BOD1L1: variants seen among roughly 807,000 people sequenced by gnomAD.
BOD1L1 encodes biorientation of chromosomes in cell division 1 like 1.
In BOD1L1, 86 loss-of-function variants were observed where a neutral mutation model predicts 240.7. The ratio of observed to expected loss-of-function variants is 0.36; its 90% CI spans 0.30 to 0.43. BOD1L1 has a LOEUF of 0.43. Among genes scored for constraint, BOD1L1 ranks in the 20% least tolerant of loss-of-function variants. The pLI is 1.00. For synonymous variants in BOD1L1, 1,268 were observed against 1,272.3 expected (o/e 1.00, Z 0.07); for missense variants, 3,554 against 3,643.5 (o/e 0.98, Z 0.63).
In BOD1L1 at chr4:13,581,143, G is replaced by A. The variant is rs761727087; in HGVS notation, c.8657C>T (p.Thr2886Met). ...GRPRKYPVETTLKMKDDSKTD... is the reference protein window; with the variant it reads ...GRPRKYPVETMLKMKDDSKTD... ...CACCAAGTACCTACTCATTTTTAAC[G>A]TTGTTTCTACAGGGTATTTGCGAGG... The change falls in exon 20 of 26, where the codon ACG becomes ATG. Residue 2886 changes from threonine (T) to methionine (M), a missense_variant. By Grantham distance (81) the Thr-to-Met change is moderately conservative. Coordinates refer to ENST00000040738, the MANE Select transcript of BOD1L1 (RefSeq NM_148894.3). 1.1e-5 allele frequency: 18 copies of A among 1,576,274 alleles called. No homozygotes were observed. The highest frequency in any genetic ancestry group is 1.7e-4 in the Middle Eastern group (1 of 5,904).
At chr4:13,577,073 T>C in intron 24 of BOD1L1, 82 bp from the exon 25 acceptor site, 1 of 1,481,344 alleles carries the variant, frequency 6.8e-7, no homozygotes, top group South Asian at 1.3e-5. Flanking sequence ...GTTTAGAACT[T>C]AGGATATTAG....
chr4:13,615,772 A>T (rs1577376155), intron 2 of BOD1L1, among the ~76,000 whole-genome samples: 2 of 152,250 alleles, frequency 1.3e-5, no homozygotes, highest in East Asian at 3.9e-4. Flanking sequence ...CACCCTTAGA[A>T]CTAGACACAG....
At chr4:13,570,227 G>T in intron 25 of BOD1L1, 99 bp from the exon 26 acceptor site, 1 of 816,124 alleles carries the variant, frequency 1.2e-6, no homozygotes, top group Non-Finnish European at 1.8e-6. Context: ...GAACTTGACA[G>T]CTAAGAAGAG....
At chr4:13,626,848 A>C (rs539565859) in intron 1 of BOD1L1, among the ~76,000 whole-genome samples, 17 of 152,156 alleles carry the variant, frequency 1.1e-4, no homozygotes, top group Non-Finnish European at 1.2e-4. Flanking sequence ...AAACAATACT[A>C]AAGTCCTGTC....
intron 8 of BOD1L1, among the ~76,000 whole-genome samples, chr4:13,607,881 T>C (rs1030175198): frequency 1.3e-5 from 2 of 152,166 alleles, no homozygotes; most frequent in African/African-American, 4.8e-5. Context: ...TAGTAAGAAA[T>C]TTGAGAGCTT....
At position 13,614,444 on chromosome 4, in the gene BOD1L1, T is replaced by C; in HGVS notation, c.926A>G (p.Gln309Arg). ...TTTATTTTTTTGCTCACTGCTTTCC[T>C]GTTGAACATCCTTATTTAGCAGAAT... ...NLILLNKDVQ[Q>R]ESSEQKNKST... Residue 309 changes from glutamine (Q) to arginine (R), a missense_variant, in exon 4 of 26, where the codon CAG becomes CGG. This residue lies in a region of BOD1L1 where 3,393 missense variants were observed against 3,427.1 expected (regional missense o/e 0.99). Coordinates refer to ENST00000040738, the MANE Select transcript of BOD1L1 (RefSeq NM_148894.3). The C allele has an allele frequency of 6.2e-7, 1 of 1,610,998 alleles. No individual in the cohort carries two copies. The highest frequency in any genetic ancestry group is 8.5e-7 in the Non-Finnish European group (1 of 1,178,394).
intron 25 of BOD1L1, among the ~76,000 whole-genome samples, chr4:13,573,236 A>G (rs191339658): frequency 1.3e-5 from 2 of 152,320 alleles, no homozygotes; most frequent in Admixed American, 1.3e-4. Flanking sequence ...CACAAGAATC[A>G]GATAAGGAAT....
Position 13,607,170 on chromosome 4 carries a change from T to C in BOD1L1, c.1762A>G (p.Lys588Glu). 1.3e-6 allele frequency: 2 copies of C among 1,574,822 alleles called. No individual in the cohort carries two copies. Among genetic ancestry groups the C allele is most frequent in the South Asian group, 1.2e-5 (1 of 85,918 alleles). Reference sequence around the variant, plus strand: ...TCTTCTTCATATTGCTGTTTCTTTTTGGAGTTCTCTTCAACATTCCTAAGG... The same window carrying C: ...TCTTCTTCATATTGCTGTTTCTTTTCGGAGTTCTCTTCAACATTCCTAAGG... ...KDSRNVEENS[K>E]KKQQYEEDSK... The change falls in exon 9 of 26, where the codon AAA becomes GAA. Residue 588 changes from lysine (K) to glutamate (E), a missense_variant. By Grantham distance (56) the Lys-to-Glu change is moderately conservative. Transcript: ENST00000040738.
chr4:13,579,323 C>G (rs1713031898), intron 22 of BOD1L1, among the ~76,000 whole-genome samples: 1 of 152,150 alleles, frequency 6.6e-6, no homozygotes, highest in African/African-American at 2.4e-5. Flanking sequence ...TCTCCTTCCT[C>G]TTTCAAAAAA....
chr4:13,610,661 T>C (rs1716085660), intron 6 of BOD1L1, among the ~76,000 whole-genome samples: 1 of 152,252 alleles, frequency 6.6e-6, no homozygotes, highest in South Asian at 2.1e-4. Context: ...TCACTATGTA[T>C]ATGCGAATAT....
At position 13,604,465 on chromosome 4, in the gene BOD1L1, T is replaced by C. The variant is rs1311926663; in HGVS notation, c.2435A>G (p.Tyr812Cys). The change falls in exon 10 of 26, where the codon TAT becomes TGT. Residue 812 changes from tyrosine to cysteine, a missense_variant. By Grantham distance (194) the Tyr-to-Cys change is radical (BLOSUM62 -2). Around this residue, in one of 2 missense-constraint regions of BOD1L1, gnomAD observed 3,393 missense variants for 3,427.1 expected, o/e 0.99. Transcript: ENST00000040738. ...AACATTCTCATCTGTTTTTATAATATATTCAGAAACTGGCTTTCCATCTTT... is the reference window on the plus strand; with the variant it reads ...AACATTCTCATCTGTTTTTATAATACATTCAGAAACTGGCTTTCCATCTTT... ...LGKDGKPVSE[Y>C]IIKTDENVRK... 42 of 1,545,212 alleles carry C rather than the reference T, an allele frequency of 2.7e-5. No individual in the cohort carries two copies. The highest frequency in any genetic ancestry group is 3.3e-5 in the Non-Finnish European group (38 of 1,156,236).
intron 25 of BOD1L1, among the ~76,000 whole-genome samples, chr4:13,573,442 G>GTCTGTCTGTCTGTCTATCTATCTA (rs1384944208): frequency 8.3e-6 from 1 of 120,752 alleles, no homozygotes; most frequent in Admixed American, 9.1e-5. Flanking sequence ...CTGTCTGTCT[G>GTCTGTCTGTCTGTCTATCTATCTA]TCTATCTATC....
Position 13,602,215 on chromosome 4 carries a change from C to G in BOD1L1, c.4685G>C (p.Gly1562Ala). The G allele has an allele frequency of 1.9e-6, 3 of 1,613,702 alleles. No individual in the cohort carries two copies. The highest frequency in any genetic ancestry group is 2.5e-6 in the Non-Finnish European group (3 of 1,179,736). The change falls in exon 10 of 26, where the codon GGC becomes GCC. Residue 1562 changes from glycine (G) to alanine (A), a missense_variant. Transcript: ENST00000040738. Reference protein sequence around the residue: ...LPCTSIEADEGLIIGTHSRNN... With the variant: ...LPCTSIEADEALIIGTHSRNN... ...TCTGGAATGTGTTCCTATTATGAGG[C>G]CTTCATCTGCCTCAATGCTGGTGCA... is the stretch of plus-strand genomic sequence containing the variant.
chr4:13,590,593 C>G lies in BOD1L1; in HGVS notation c.8149-147G>C, dbSNP rs114209287. The G allele has an allele frequency of 4.7e-3, 1,995 of 420,442 alleles. 10 individuals carry two copies. The highest frequency in any genetic ancestry group is 7.2e-3 in the Admixed American group (160 of 22,226). 26.0% of individuals were successfully genotyped at this position (420,442 alleles called of 1,614,324 possible). Reference sequence around the variant, plus strand: ...GGTACATATTCTTTTTAATTTCACCCAGAAGCTCAAAAGCATGCAGCATCT... The same window carrying G: ...GGTACATATTCTTTTTAATTTCACCGAGAAGCTCAAAAGCATGCAGCATCT... On this transcript the variant is annotated intron_variant, in intron 13 of 25. Coordinates refer to ENST00000040738, the MANE Select transcript of BOD1L1 (RefSeq NM_148894.3).
At chr4:13,598,491 C>T (rs893436933) in intron 10 of BOD1L1, among the ~76,000 whole-genome samples, 2 of 152,030 alleles carry the variant, frequency 1.3e-5, no homozygotes, top group African/African-American at 2.4e-5. Flanking sequence ...AAAAGTCACC[C>T]GAGGACCATG....
intron 12 of BOD1L1, 110 bp from the exon 13 acceptor site, chr4:13,592,076 G>T (rs145907188): frequency 5.8e-6 from 4 of 687,986 alleles, no homozygotes; most frequent in Admixed American, 3.5e-5. Flanking sequence ...GTCACCAAGT[G>T]GCTTAGCTGC....
In BOD1L1 at chr4:13,601,352, C is replaced by T; in HGVS notation, c.5548G>A (p.Asp1850Asn). The stretch of plus-strand genomic sequence containing the variant: ...GTGCTAGTCACAATGCCTTCATCAT[C>T]ACAAGGACCAGCAGCAACTAATGGT... ...NVPLVAAGPC[D>N]DEGIVTSTGA... is the part of the protein sequence containing the mutation. The change falls in exon 10 of 26, where the codon GAT becomes AAT. Residue 1850 changes from aspartate to asparagine, a missense_variant. By Grantham distance (23) the Asp-to-Asn change is conservative. Around this residue, in one of 2 missense-constraint regions of BOD1L1, gnomAD observed 3,393 missense variants for 3,427.1 expected, o/e 0.99. Transcript: ENST00000040738. 6.2e-7 allele frequency: 1 copy of T among 1,614,036 alleles called. No individual in the cohort carries two copies. The highest frequency in any genetic ancestry group is 8.5e-7 in the Non-Finnish European group (1 of 1,179,902).
intron 1 of BOD1L1, chr4:13,626,084 C>T (rs1469647393): frequency 2.6e-5 from 4 of 152,146 alleles, no homozygotes; most frequent in African/African-American, 9.7e-5. Flanking sequence ...CGCGGTGGCT[C>T]ATGCCTACTG....
chr4:13,606,153 A>G (rs1031856842), intron 9 of BOD1L1, among the ~76,000 whole-genome samples: 3 of 152,182 alleles, frequency 2.0e-5, no homozygotes, highest in African/African-American at 7.2e-5. Context: ...GACCTTATTA[A>G]ATAGCTTAAA....
Sources: gnomAD v4.1 joint callset for allele counts (sites outside exome capture counted in the v4.1 genomes callset) on GRCh38, gnomAD v4.1.1 for gene constraint, gnomAD v4.1.1 regional missense constraint, MANE v1.5 for transcripts, NCBI Gene and HGNC (gene_info 2026-07-23, HGNC 2026-07-21) for gene names.